Variants in IL1RL1 observed in about 807,000 individuals in gnomAD.
IL1RL1 encodes interleukin-1 receptor-like 1.
IL1RL1 carries 32 observed loss-of-function variants against 50.9 expected under a neutral mutation model. The ratio of observed to expected loss-of-function variants is 0.63; its 90% confidence interval spans 0.47 to 0.84. The LOEUF (loss-of-function observed/expected upper bound fraction) is 0.84, where lower values mean the gene tolerates loss of function less well. Among genes scored for constraint, IL1RL1 ranks in the 40% least tolerant of loss-of-function variants. The pLI, the probability that IL1RL1 is intolerant of heterozygous loss-of-function variation, is 0.00. For synonymous variants in IL1RL1, 275 were observed against 236.0 expected, an observed-to-expected ratio of 1.17 and a Z score of -1.51; for missense variants, 773 against 662.9, an observed-to-expected ratio of 1.17 and a Z score of -1.82.
intron 8 of IL1RL1, chr2:102,346,100 A>G (rs568727430): frequency 3.2e-6 from 3 of 949,206 alleles, no homozygotes; most frequent in South Asian, 4.9e-5. Flanking sequence ...TACTACTGCT[A>G]TTGAGTTGTC....
intron 1 of IL1RL1, among the ~76,000 whole-genome samples, chr2:102,322,049 T>G (rs1676852199): frequency 6.6e-6 from 1 of 152,190 alleles, no homozygotes; most frequent in South Asian, 2.1e-4. Context: ...CTATCTATTT[T>G]AAGGAACTGA....
At position 102,340,715 on chromosome 2, in the gene IL1RL1, T is replaced by C. The variant is rs998962848; in HGVS notation, c.497T>C (p.Leu166Ser). The change falls in exon 5 of 11, where the codon TTG becomes TCG. Residue 166 changes from leucine to serine, a missense_variant. Coordinates refer to ENST00000233954, the MANE Select transcript of IL1RL1 (RefSeq NM_016232.5). ...GSRYRAHKSF[L>S]VIDNVMTEDA... ...AGGTACAGGGCGCACAAGTCATTTT[T>C]GGTCATTGATAATGTGATGACTGAG... 4 of 1,601,132 alleles carry C rather than the reference T, an allele frequency of 2.5e-6. No individual in the cohort carries two copies. The highest frequency in any genetic ancestry group is 3.4e-6 in the Non-Finnish European group (4 of 1,176,580).
chr2:102,337,213 G>A (rs368103424), intron 1 of IL1RL1: 1 of 152,400 alleles, frequency 6.6e-6, no homozygotes, highest in South Asian at 2.1e-4. Context: ...TTCAGGATGG[G>A]AGGAGTGTCT....
chr2:102,334,500 T>A (rs1411306385), intron 1 of IL1RL1, among the ~76,000 whole-genome samples: 1 of 151,958 alleles, frequency 6.6e-6, no homozygotes, highest in African/African-American at 2.4e-5. Flanking sequence ...TTCTGCCCCA[T>A]CCACTGCAGG....
At position 102,351,578 on chromosome 2, in the gene IL1RL1, G is replaced by A. The variant is rs780040866; in HGVS notation, c.1328G>A (p.Arg443Gln). ...AVETNIRKSR[R>Q]HIFILTPQIT... Reference sequence around the variant, plus strand: ...GAAACCAACATACGAAAGAGCAGGCGGCACATTTTCATCCTGACCCCTCAG... The same window carrying A: ...GAAACCAACATACGAAAGAGCAGGCAGCACATTTTCATCCTGACCCCTCAG... The change falls in exon 11 of 11, where the codon CGG (arginine) becomes CAG (glutamine). Residue 443 changes from arginine to glutamine, a missense_variant. Arg to Gln is a conservative substitution (Grantham distance 43). Coordinates refer to ENST00000233954, the MANE Select transcript of IL1RL1 (RefSeq NM_016232.5). The A allele has an allele frequency of 2.5e-5, 40 of 1,614,010 alleles. 1 individual carries two copies. Among genetic ancestry groups the A allele is most frequent in the East Asian group, 4.5e-5 (2 of 44,878 alleles).
chr2:102,339,347 A>C (rs1209077108), intron 3 of IL1RL1: 2 of 278,272 alleles, frequency 7.2e-6, no homozygotes, highest in Admixed American at 9.4e-5. Flanking sequence ...TTTTGGCTGG[A>C]ATTAAGAACA....
chr2:102,325,101 C>A (rs11123921), intron 1 of IL1RL1, among the ~76,000 whole-genome samples: 14 of 152,018 alleles, frequency 9.2e-5, no homozygotes, highest in African/African-American at 2.2e-4. Context: ...AGGCACCCCC[C>A]AGTAGGGGGC....
chr2:102,315,990 T>C (rs1293037651), intron 1 of IL1RL1, among the ~76,000 whole-genome samples: 2 of 152,222 alleles, frequency 1.3e-5, no homozygotes, highest in African/African-American at 4.8e-5. Context: ...CTTCAGGCTG[T>C]TTGCTGCCAC....
At chr2:102,335,078 A>G (rs1053443224) in intron 1 of IL1RL1, among the ~76,000 whole-genome samples, 1 of 152,212 alleles carries the variant, frequency 6.6e-6, no homozygotes, top group African/African-American at 2.4e-5. Context: ...GGTGTTTGCC[A>G]GAGAAACAAG....
intron 1 of IL1RL1, among the ~76,000 whole-genome samples, chr2:102,323,121 T>G (rs1305699142): frequency 6.6e-6 from 1 of 151,876 alleles, no homozygotes; most frequent in African/African-American, 2.4e-5. Context: ...TAATTTTTGG[T>G]ATTATGAGTA....
rs892166293 is a variant in IL1RL1 at position 102,344,690 on chromosome 2, A to G, written c.970+1275A>G. Reference sequence around the variant, plus strand: ...GCAGCTAGCCAGTGCTCAGCTAAATATTTGTTGACTGAATAAATGAATGCA... The same window carrying G: ...GCAGCTAGCCAGTGCTCAGCTAAATGTTTGTTGACTGAATAAATGAATGCA... On this transcript the variant is annotated intron_variant, in intron 8 of 10. Coordinates refer to ENST00000233954, the MANE Select transcript of IL1RL1 (RefSeq NM_016232.5). 35 of 871,452 alleles carry G rather than the reference A, an allele frequency of 4.0e-5. No individual in the cohort carries two copies. The African/African-American group carries it at 5.7e-4, about 14-fold the overall frequency. 54.0% of individuals were successfully genotyped at this position (871,452 alleles called of 1,614,324 possible). A position where few individuals can be genotyped will look rare whatever the true frequency, so the allele number is the denominator to read the frequency against.
At chr2:102,319,502 TA>T (rs1559594867) in intron 1 of IL1RL1, among the ~76,000 whole-genome samples, 1 of 152,170 alleles carries the variant, frequency 6.6e-6, no homozygotes. Context: ...GATGAGGGGA[TA>T]AAATGTACAT....
At chr2:102,328,852 T>C (rs1677090853) in intron 1 of IL1RL1, among the ~76,000 whole-genome samples, 2 of 152,256 alleles carry the variant, frequency 1.3e-5, no homozygotes, top group South Asian at 4.1e-4. Context: ...TACAAACAAA[T>C]GGAAGAACAT....
At chr2:102,311,886 TATATA>T (rs1216955801) in intron 1 of IL1RL1, among the ~76,000 whole-genome samples, 1 of 34,482 alleles carries the variant, frequency 2.9e-5, no homozygotes, top group Admixed American at 4.0e-4. Flanking sequence ...TATAATATAA[TATATA>T]ATATATCATA....
chr2:102,311,722 T>C (rs1001431304), intron 1 of IL1RL1, 99 bp downstream of exon 1: 3 of 132,514 alleles, frequency 2.3e-5, no homozygotes, highest in Non-Finnish European at 4.6e-5. Context: ...ATATTCATTG[T>C]TATATTATTA....
Position 102,343,223 on chromosome 2 carries a change from T to A in IL1RL1, c.824+46T>A, listed in dbSNP as rs374411011. 7.1e-5 allele frequency: 114 copies of A among 1,613,936 alleles called. No homozygotes were observed. In the African/African-American group the frequency reaches 1.2e-3, roughly 17 times the overall value. On this transcript the variant is annotated intron_variant, in intron 7 of 10. Transcript: ENST00000233954. The stretch of plus-strand genomic sequence containing the variant: ...ACCATCCTCTTCCCCTTGCACATGG[T>A]TTGCACCTGCAAAGTAGGCATTAAA...
At chr2:102,340,854 G>A in intron 5 of IL1RL1, 26 bp downstream of exon 5, 1 of 1,524,714 alleles carries the variant, frequency 6.6e-7, no homozygotes, top group Non-Finnish European at 8.8e-7. Flanking sequence ...TAATGAGATA[G>A]AATACTACGT....
At chr2:102,345,379 C>A in intron 8 of IL1RL1, 1 of 985,338 alleles carries the variant, frequency 1.0e-6, no homozygotes, top group Non-Finnish European at 1.2e-6. Context: ...AGCATTGTAT[C>A]CCGTATAAAA....
chr2:102,344,739 GT>G lies in IL1RL1; in HGVS notation c.970+1332del, dbSNP rs200544577. 4.5e-4 allele frequency: 426 copies of G among 939,898 alleles called. 7 individuals are homozygous for G. In the East Asian group the frequency reaches 0.028, roughly 63 times the overall value. The allele number at this position is 939,898 out of a possible 1,614,324, so 58.2% of individuals were successfully genotyped here. On this transcript the variant is annotated intron_variant, in intron 8 of 10. Coordinates refer to ENST00000233954, the MANE Select transcript of IL1RL1 (RefSeq NM_016232.5). ...CACAACCAAATTATTGATACCAAAT[GT>G]TTTTTTTGTGTACATTTCTACTTCT...
Sources: gnomAD v4.1 joint callset for allele counts (sites outside exome capture counted in the v4.1 genomes callset) on GRCh38, gnomAD v4.1.1 for gene constraint, MANE v1.5 for transcripts, NCBI Gene and HGNC (gene_info 2026-07-23, HGNC 2026-07-21) for gene names.